TTC21B: variants seen among roughly 807,000 people sequenced by gnomAD.
TTC21B encodes tetratricopeptide repeat protein 21B.
In TTC21B, 127 loss-of-function variants were observed where a neutral mutation model predicts 175.1. The ratio of observed to expected loss-of-function variants is 0.73; its 90% CI spans 0.63 to 0.84. The LOEUF is 0.84. Ranked by LOEUF, TTC21B falls within the 40% of genes least tolerant of loss-of-function variation. TTC21B has a pLI of 0.00. For synonymous variants in TTC21B, 524 were observed against 524.5 expected (o/e 1.00, Z 0.01); for missense variants, 1,561 against 1,558.3 (o/e 1.00, Z -0.03).
intron 6 of TTC21B, among the ~76,000 whole-genome samples, chr2:165,938,463 T>G (rs1687244271): frequency 6.6e-6 from 1 of 152,122 alleles, no homozygotes; most frequent in African/African-American, 2.4e-5. Flanking sequence ...TCTGTCACTG[T>G]GATGAAAGAC....
Position 165,880,219 on chromosome 2 carries a change from G to GA in TTC21B, c.3805+459dup, listed in dbSNP as rs1013166074. Among the ~76,000 whole-genome samples, 13 of 148,560 alleles carry GA rather than the reference G, an allele frequency of 8.8e-5. No homozygotes were observed. In the East Asian group the frequency reaches 2.0e-3, roughly 22 times the overall value. Reference sequence around the variant, plus strand: ...GGATGATGTTTCTAGATGCTCAGGAGAAAAAAAAAATGTCCCATGGTCAAA... The same window carrying GA: ...GGATGATGTTTCTAGATGCTCAGGAGAAAAAAAAAAATGTCCCATGGTCAAA... On this transcript the variant is annotated intron_variant, in intron 27 of 28. Coordinates refer to ENST00000243344, the MANE Select transcript of TTC21B (RefSeq NM_024753.5).
rs753893213 is a variant in TTC21B at position 165,917,119 on chromosome 2, T to C, written c.1899+138A>G. ...GTCTCGAACTCCTGACCTCAGATGA[T>C]CCATCTGCCTCGGCCTCCCAAAGTG... is the stretch of plus-strand genomic sequence containing the variant. On this transcript the variant is annotated intron_variant, in intron 14 of 28. Transcript: ENST00000243344. 1.5e-4 allele frequency: 112 copies of C among 753,392 alleles called. 1 individual carries two copies. The highest frequency in any genetic ancestry group is 9.2e-5 in the South Asian group (6 of 65,162). The allele number at this position is 753,392 out of a possible 1,614,324, so 46.7% of individuals were successfully genotyped here.
At chr2:165,875,247 T>C (rs999507263) in intron 28 of TTC21B, among the ~76,000 whole-genome samples, 10 of 149,838 alleles carry the variant, frequency 6.7e-5, no homozygotes, top group African/African-American at 2.5e-5. Flanking sequence ...CTAGTTCTAC[T>C]GAGTCTAAGA....
Position 165,900,008 on chromosome 2 carries a change from C to CAAA in TTC21B, c.2758-131_2758-129dup, listed in dbSNP as rs200057550. 229 of 140,854 alleles carry CAAA rather than the reference C, an allele frequency of 1.6e-3. 2 individuals are homozygous for CAAA. Among genetic ancestry groups the CAAA allele is most frequent in the East Asian group, 3.0e-3 (19 of 6,272 alleles). 8.7% of individuals were successfully genotyped at this position (140,854 alleles called of 1,614,324 possible). ...GCAATAAAATGCCAAGTATAATAGA[C>CAAA]AAAAAAAAAAAAAAAACAACAGTAT... On this transcript the variant is annotated intron_variant, in intron 20 of 28. Transcript: ENST00000243344.
chr2:165,881,588 G>A (rs947661050), intron 26 of TTC21B, among the ~76,000 whole-genome samples: 17 of 152,148 alleles, frequency 1.1e-4, no homozygotes, highest in African/African-American at 4.1e-4. Context: ...TCCTTGTGGT[G>A]TTTATATAAT....
In TTC21B at chr2:165,934,711, A is replaced by C. The variant is rs550957318; in HGVS notation, c.711-1654T>G. ...CAACACAATAAAAGAAATGAAAATA[A>C]AAATGAGATACCTCTCTTTCAGATT... is the stretch of plus-strand genomic sequence containing the variant. On this transcript the variant is annotated intron_variant, in intron 6 of 28. Coordinates refer to ENST00000243344, the MANE Select transcript of TTC21B (RefSeq NM_024753.5). The C allele has an allele frequency of 1.0e-4, 15 of 147,416 alleles. No homozygotes were observed. The East Asian group carries it at 3.1e-3, about 30-fold the overall frequency. The allele number at this position is 147,416 out of a possible 1,614,324, so 9.1% of individuals were successfully genotyped here.
chr2:165,927,375 A>C (rs1269224748), intron 11 of TTC21B, among the ~76,000 whole-genome samples: 4 of 128,154 alleles, frequency 3.1e-5, no homozygotes, highest in African/African-American at 8.7e-5. Flanking sequence ...ATATATATAT[A>C]TCCTATTTTC....
chr2:165,885,716 T>C (rs1684979337), intron 25 of TTC21B, among the ~76,000 whole-genome samples: 1 of 152,242 alleles, frequency 6.6e-6, no homozygotes, highest in South Asian at 2.1e-4. Context: ...TTGAGTTTGA[T>C]TAGAACGTAT....
At chr2:165,925,088 C>G (rs1686579073) in intron 11 of TTC21B, among the ~76,000 whole-genome samples, 1 of 152,166 alleles carries the variant, frequency 6.6e-6, no homozygotes, top group Admixed American at 6.5e-5. Flanking sequence ...GTGATTTGCT[C>G]AATTCAATTA....
intron 20 of TTC21B, among the ~76,000 whole-genome samples, chr2:165,900,974 T>C (rs2105305144): frequency 6.6e-6 from 1 of 151,930 alleles, no homozygotes; most frequent in Non-Finnish European, 1.5e-5. Context: ...TCATCATGGT[T>C]AACTGCAGCC....
intron 19 of TTC21B, among the ~76,000 whole-genome samples, chr2:165,904,806 A>T (rs989281264): frequency 6.6e-6 from 1 of 152,218 alleles, no homozygotes; most frequent in Non-Finnish European, 1.5e-5. Flanking sequence ...GGTCCTTTTT[A>T]AAAAATATAA....
rs1029750309 is a variant in TTC21B, at chr2:165,898,849, A to C, written c.2869-82T>G. The C allele has an allele frequency of 1.8e-5, 16 of 869,182 alleles. No homozygotes were observed. In the East Asian group the frequency reaches 3.7e-4, roughly 20 times the overall value. The allele number at this position is 869,182 out of a possible 1,614,324, so 53.8% of individuals were successfully genotyped here. A position where few individuals can be genotyped will look rare whatever the true frequency, so the allele number is the denominator to read the frequency against. ...CTTCCAATCAAGATTTAGCACTAGA[A>C]AAATATAGATGATAAACATGAGGAG... On this transcript the variant is annotated intron_variant, in intron 21 of 28. Coordinates refer to ENST00000243344, the MANE Select transcript of TTC21B (RefSeq NM_024753.5).
intron 12 of TTC21B, 101 bp from the exon 13 acceptor site, chr2:165,919,534 T>G (rs1168922983): frequency 7.5e-7 from 1 of 1,340,520 alleles, no homozygotes; most frequent in African/African-American, 1.5e-5. Flanking sequence ...ATAGCCCTAG[T>G]GTTTGTAAAC....
rs1393373022 is a variant in TTC21B, at chr2:165,874,226, G to C, written c.*529C>G. The C allele has an allele frequency of 6.5e-6, 1 of 152,816 alleles. No homozygotes were observed. The highest frequency in any genetic ancestry group is 2.4e-5 in the African/African-American group (1 of 41,416). The allele number at this position is 152,816 out of a possible 1,614,324, so 9.5% of individuals were successfully genotyped here. ...CCGGGTGTGATGGCACATGCCTTTAGTCCCAGCTACTCGGGAGGCTGAAGC... is the reference window on the plus strand; with the variant it reads ...CCGGGTGTGATGGCACATGCCTTTACTCCCAGCTACTCGGGAGGCTGAAGC... On this transcript the variant is annotated 3_prime_UTR_variant, in exon 29 of 29. Coordinates refer to ENST00000243344, the MANE Select transcript of TTC21B (RefSeq NM_024753.5).
At position 165,917,401 on chromosome 2, in the gene TTC21B, T is replaced by C; in HGVS notation, c.1755A>G (p.Thr585=). The C allele has an allele frequency of 2.5e-6, 4 of 1,614,206 alleles. No individual in the cohort carries two copies. Among genetic ancestry groups the C allele is most frequent in the Non-Finnish European group, 3.4e-6 (4 of 1,180,026 alleles). Residue 585 remains threonine (T), a synonymous_variant, in exon 14 of 29, where the codon ACA becomes ACG. Transcript: ENST00000243344. ...CTGGTAAACTCATTGCCATATGCAG[T>C]GTTTTAATTGCGTCTGCTATTTCTC... The part of the protein sequence containing the change: ...KMGEIADAIK[T]LHMAMSLPGM...
Position 165,913,808 on chromosome 2 carries a change from C to T in TTC21B, c.2139-162G>A, listed in dbSNP as rs112559852. Among the ~76,000 whole-genome samples, 1,812 of 152,260 alleles carry T rather than the reference C, an allele frequency of 0.012. 36 individuals are homozygous for T. The highest frequency in any genetic ancestry group is 0.041 in the African/African-American group (1,718 of 41,548). ...ATATTATAAAAACCTCATGCATACCCACACCCAAATTGTTTATGCTAGATC... is the reference window on the plus strand; with the variant it reads ...ATATTATAAAAACCTCATGCATACCTACACCCAAATTGTTTATGCTAGATC... On this transcript the variant is annotated intron_variant, in intron 15 of 28. Coordinates refer to ENST00000243344, the MANE Select transcript of TTC21B (RefSeq NM_024753.5).
intron 19 of TTC21B, among the ~76,000 whole-genome samples, chr2:165,902,766 T>A (rs776685530): frequency 6.6e-6 from 1 of 152,210 alleles, no homozygotes; most frequent in Non-Finnish European, 1.5e-5. Context: ...ATGCATGTGC[T>A]CCTAGTAAAA....
At chr2:165,950,423 G>T (rs150736035) in intron 1 of TTC21B, among the ~76,000 whole-genome samples, 3,060 of 152,174 alleles carry the variant, frequency 0.02, 40 homozygotes, top group Non-Finnish European at 0.03. Flanking sequence ...TATGTCTAAG[G>T]CTTGGTTGCT....
chr2:165,874,535 A>G lies in TTC21B; in HGVS notation c.*220T>C, dbSNP rs768035059. ...CACAGAGTCACCAAATCTGTACCCA[A>G]TCAAAACAGAGTCAAATAGACCAGC... On this transcript the variant is annotated 3_prime_UTR_variant, in exon 29 of 29. Coordinates refer to ENST00000243344, the MANE Select transcript of TTC21B (RefSeq NM_024753.5). The G allele has an allele frequency of 1.6e-5, 8 of 513,046 alleles. No individual in the cohort carries two copies. The highest frequency in any genetic ancestry group is 1.3e-4 in the African/African-American group (7 of 52,100). The allele number at this position is 513,046 out of a possible 1,614,324, so 31.8% of individuals were successfully genotyped here.
Sources: allele counts gnomAD v4.1 joint callset (sites outside exome capture counted in the v4.1 genomes callset), GRCh38; gene constraint gnomAD v4.1.1; transcripts MANE v1.5; gene names NCBI Gene and HGNC (gene_info 2026-07-23, HGNC 2026-07-21).